The following CHFR variants were observed in gnomAD, a reference collection of about 807,000 sequenced individuals.
CHFR encodes the protein checkpoint with forkhead and ring finger domains.
CHFR carries 57 observed loss-of-function variants against 87.6 expected under a neutral mutation model. The ratio of observed to expected loss-of-function variants is 0.65; its 90% CI spans 0.53 to 0.81. The LOEUF is 0.81. Among genes scored for constraint, CHFR ranks in the 30% least tolerant of loss-of-function variants. The pLI, the probability that CHFR is intolerant of heterozygous loss-of-function variation, is 0.00. For missense variants in CHFR, 797 were observed against 865.8 expected, an observed-to-expected ratio of 0.92 and a Z score of 1.00; for synonymous variants, 381 against 359.2, an observed-to-expected ratio of 1.06 and a Z score of -0.69.
At chr12:132,856,700 T>C (rs1417290512) in intron 9 of CHFR, 70 bp from the exon 10 acceptor site, 1 of 1,536,628 alleles carries the variant, frequency 6.5e-7, no homozygotes, top group Non-Finnish European at 9.0e-7. Context: ...CTCACACTGC[T>C]GGGAGCTCGC....
intron 3 of CHFR, among the ~76,000 whole-genome samples, chr12:132,877,106 T>C (rs1408512919): frequency 2.0e-5 from 3 of 152,096 alleles, no homozygotes; most frequent in Non-Finnish European, 4.4e-5. Context: ...GATAATAATG[T>C]TTTTTTCAAC....
intron 13 of CHFR, 107 bp from the exon 14 acceptor site, chr12:132,848,262 A>C: frequency 1.3e-6 from 2 of 1,559,884 alleles, no homozygotes; most frequent in Non-Finnish European, 1.7e-6. Flanking sequence ...CAGATTCTAG[A>C]AAGAATAAGA....
At chr12:132,874,681 C>T (rs913587920) in intron 3 of CHFR, among the ~76,000 whole-genome samples, 3 of 148,684 alleles carry the variant, frequency 2.0e-5, no homozygotes, top group African/African-American at 7.4e-5. Context: ...CCGGGACCAG[C>T]ACCCAGCGCG....
rs370103218 is a variant in CHFR, at chr12:132,848,079, C to G, written c.1647+6G>C. On this transcript the variant is annotated splice_donor_region_variant and intron_variant, in intron 14 of 17. Coordinates refer to ENST00000450056, the MANE Select transcript of CHFR (RefSeq NM_001161346.2). ...CCCGGCTCCCCAGCCCGCAGCGAGT[C>G]GGTACCTTCAGGATGTCTGACTCGT... 1 of 1,613,982 alleles carries G rather than the reference C, an allele frequency of 6.2e-7. No homozygotes were observed. The highest frequency in any genetic ancestry group is 8.5e-7 in the Non-Finnish European group (1 of 1,180,000).
Position 132,861,462 on chromosome 12 carries a change from C to G in CHFR, c.751+5G>C. ...GACTGAGGACACACACAACCAGACA[C>G]TAACCTCCTCTCATTTTCTTCTTCA... is the stretch of plus-strand genomic sequence containing the variant. On this transcript the variant is annotated splice_donor_5th_base_variant and intron_variant, in intron 7 of 17. Coordinates refer to ENST00000450056, the MANE Select transcript of CHFR (RefSeq NM_001161346.2). 12 of 1,613,986 alleles carry G rather than the reference C, an allele frequency of 7.4e-6. No homozygotes were observed. Among genetic ancestry groups the G allele is most frequent in the Non-Finnish European group, 1.0e-5 (12 of 1,179,846 alleles).
At chr12:132,870,052 T>C (rs1377214505) in intron 5 of CHFR, among the ~76,000 whole-genome samples, 1 of 151,842 alleles carries the variant, frequency 6.6e-6, no homozygotes, top group Non-Finnish European at 1.5e-5. Context: ...CTACTAAAAA[T>C]ATAAAAATTA....
intron 6 of CHFR, among the ~76,000 whole-genome samples, chr12:132,864,554 T>C (rs1055260409): frequency 2.2e-4 from 33 of 152,344 alleles, no homozygotes; most frequent in African/African-American, 7.7e-4. Flanking sequence ...AGTGGCAGGA[T>C]ATTGGCTCAC....
At chr12:132,881,476 T>C (rs1951768780) in intron 2 of CHFR, among the ~76,000 whole-genome samples, 1 of 152,114 alleles carries the variant, frequency 6.6e-6, no homozygotes, top group Admixed American at 6.6e-5. Context: ...GGATGGCAAA[T>C]TAAGCACATG....
chr12:132,846,056 C>G (rs1950814264), intron 15 of CHFR, among the ~76,000 whole-genome samples: 1 of 152,120 alleles, frequency 6.6e-6, no homozygotes, highest in South Asian at 2.1e-4. Context: ...CCCCATGTTG[C>G]CTTTCCTTAA....
intron 6 of CHFR, chr12:132,866,001 T>G (rs544473558): frequency 7.3e-4 from 111 of 152,332 alleles, no homozygotes; most frequent in African/African-American, 2.5e-3. Context: ...TGAAGTGTTA[T>G]TTTCTTTCAC....
chr12:132,875,475 G>A (rs1951609298), intron 3 of CHFR, among the ~76,000 whole-genome samples: 1 of 151,728 alleles, frequency 6.6e-6, no homozygotes, highest in South Asian at 2.1e-4. Flanking sequence ...AACCCCATCT[G>A]AGCTAGGCGT....
intron 4 of CHFR, chr12:132,872,011 A>AC (rs1482422727): frequency 1.9e-5 from 8 of 414,304 alleles, no homozygotes; most frequent in Non-Finnish European, 3.5e-5. Context: ...TAGAACCCAA[A>AC]CCATCCCCAT....
At chr12:132,877,483 C>A in intron 3 of CHFR, 72 bp downstream of exon 3, 1 of 1,008,536 alleles carries the variant, frequency 9.9e-7, no homozygotes, top group African/African-American at 1.6e-5. Context: ...CCGTGGCACA[C>A]AGCACAGAGC....
rs1950689033 is a variant in CHFR, at chr12:132,840,587, G to A, written c.*967C>T. 1 of 152,686 alleles carries A rather than the reference G, an allele frequency of 6.5e-6. No homozygotes were observed. The highest frequency in any genetic ancestry group is 1.5e-5 in the Non-Finnish European group (1 of 68,044). The allele number at this position is 152,686 out of a possible 1,614,324, so 9.5% of individuals were successfully genotyped here. On this transcript the variant is annotated 3_prime_UTR_variant, in exon 18 of 18. Coordinates refer to ENST00000450056, the MANE Select transcript of CHFR (RefSeq NM_001161346.2). ...TTTCAAGTATTATTCCAGATGACAT[G>A]GCAAAGCTAGCACAGGCGGAAGCCA...
intron 2 of CHFR, among the ~76,000 whole-genome samples, chr12:132,886,953 A>T (rs773175700): frequency 6.6e-6 from 1 of 152,242 alleles, no homozygotes; most frequent in Non-Finnish European, 1.5e-5. Flanking sequence ...GAACGTGACA[A>T]TATTGCATTC....
At position 132,861,466 on chromosome 12, in the gene CHFR, C is replaced by T; in HGVS notation, c.751+1G>A. ...GAGGACACACACAACCAGACACTAA[C>T]CTCCTCTCATTTTCTTCTTCACGGG... On this transcript the variant is annotated splice_donor_variant, in intron 7 of 17. Transcript: ENST00000450056. LOFTEE classifies it high-confidence loss of function. The T allele has an allele frequency of 6.2e-7, 1 of 1,613,902 alleles. No homozygotes were observed. The highest frequency in any genetic ancestry group is 1.7e-5 in the Admixed American group (1 of 60,006).
intron 2 of CHFR, among the ~76,000 whole-genome samples, chr12:132,880,244 T>C (rs542467983): frequency 1.1e-4 from 16 of 152,284 alleles, no homozygotes; most frequent in Admixed American, 8.5e-4. Context: ...ACTATGAAAC[T>C]TCCAGTGGAA....
intron 11 of CHFR, 55 bp downstream of exon 11, chr12:132,853,376 C>A: frequency 7.0e-7 from 1 of 1,433,110 alleles, no homozygotes; most frequent in Non-Finnish European, 9.1e-7. Context: ...CAGCACCGGG[C>A]ACAGCCACAA....
rs1252293357 is a variant in CHFR at position 132,837,061 on chromosome 12, G to T, written c.*4493C>A. 8.9e-6 allele frequency: 3 copies of T among 337,266 alleles called. No homozygotes were observed. The highest frequency in any genetic ancestry group is 6.8e-5 in the South Asian group (3 of 43,934). The allele number at this position is 337,266 out of a possible 1,614,324, so 20.9% of individuals were successfully genotyped here. On this transcript the variant is annotated 3_prime_UTR_variant, in exon 18 of 18. Coordinates refer to ENST00000450056, the MANE Select transcript of CHFR (RefSeq NM_001161346.2). Reference sequence around the variant, plus strand: ...ATGAGGAGAGGCTGCAGAGGGAGGGGCTGGTACCTGAGGGGCTGTTTGTGA... The same window carrying T: ...ATGAGGAGAGGCTGCAGAGGGAGGGTCTGGTACCTGAGGGGCTGTTTGTGA...
Sources: gnomAD v4.1 joint callset for allele counts (sites outside exome capture counted in the v4.1 genomes callset) on GRCh38, gnomAD v4.1.1 for gene constraint, MANE v1.5 for transcripts, NCBI Gene and HGNC (gene_info 2026-07-23, HGNC 2026-07-21) for gene names.